The following HHAT variants were observed in gnomAD, a reference collection of about 807,000 sequenced individuals.
The protein encoded by HHAT is hedgehog acyltransferase, also known as protein-cysteine N-palmitoyltransferase HHAT.
HHAT carries 47 observed loss-of-function variants against 70.8 expected under a neutral mutation model. The observed-to-expected ratio is 0.66, with a 90% CI of 0.53 to 0.85. HHAT has a LOEUF of 0.85. Among genes scored for constraint, HHAT ranks in the 40% least tolerant of loss-of-function variants. HHAT has a pLI of 0.00. For synonymous variants in HHAT, 228 were observed against 247.6 expected, an observed-to-expected ratio of 0.92 and a Z score of 0.74; for missense variants, 609 against 604.8, an observed-to-expected ratio of 1.01 and a Z score of -0.07.
intron 9 of HHAT, among the ~76,000 whole-genome samples, chr1:210,515,884 A>G (rs1200373085): frequency 6.6e-6 from 1 of 152,088 alleles, no homozygotes; most frequent in African/African-American, 2.4e-5. Flanking sequence ...CCTGGGCAAT[A>G]TGAAAAAAAA....
chr1:210,506,604 C>T (rs1453304003), intron 8 of HHAT, among the ~76,000 whole-genome samples: 1 of 152,134 alleles, frequency 6.6e-6, no homozygotes, highest in Non-Finnish European at 1.5e-5. Flanking sequence ...AGACTATTTC[C>T]TTAAAAGGTG....
chr1:210,396,951 G>A (rs781561493), intron 4 of HHAT, among the ~76,000 whole-genome samples: 2 of 152,158 alleles, frequency 1.3e-5, no homozygotes, highest in Non-Finnish European at 2.9e-5. Flanking sequence ...TGGTGATGGA[G>A]CTGTTCTGCA....
At chr1:210,386,222 C>CTTTTTTTTTTTTTT (rs1295756019) in intron 3 of HHAT, among the ~76,000 whole-genome samples, 1 of 69,890 alleles carries the variant, frequency 1.4e-5, no homozygotes, top group African/African-American at 5.3e-5. Flanking sequence ...GAGTCCTTTT[C>CTTTTTTTTTTTTTT]TTTTTTTCTT....
intron 1 of HHAT, among the ~76,000 whole-genome samples, 197 bp from the exon 2 acceptor site, chr1:210,348,736 C>CGTGTGTGTGTGTGTGTGT (rs71303046): frequency 1.8e-4 from 26 of 148,034 alleles, no homozygotes; most frequent in African/African-American, 6.0e-4. Flanking sequence ...TGTATGTGTG[C>CGTGTGTGTGTGTGTGTGT]GTGTGTGTGT....
intron 10 of HHAT, among the ~76,000 whole-genome samples, chr1:210,603,705 G>A (rs1169156997): frequency 6.6e-6 from 1 of 152,178 alleles, no homozygotes; most frequent in Non-Finnish European, 1.5e-5. Flanking sequence ...GCATGCCTAT[G>A]TACTGATTTT....
At chr1:210,381,109 C>CT in intron 3 of HHAT, among the ~76,000 whole-genome samples, 1 of 152,096 alleles carries the variant, frequency 6.6e-6, no homozygotes, top group East Asian at 1.9e-4. Flanking sequence ...TGAAGTAGGT[C>CT]TAGCATATAG....
intron 2 of HHAT, among the ~76,000 whole-genome samples, chr1:210,360,070 G>C (rs573548117): frequency 6.6e-6 from 1 of 152,258 alleles, no homozygotes; most frequent in African/African-American, 2.4e-5. Flanking sequence ...GAAATTCTGA[G>C]GGTTACTGCA....
chr1:210,618,866 C>T (rs141546778), intron 10 of HHAT, among the ~76,000 whole-genome samples: 1,642 of 152,294 alleles, frequency 0.011, 26 homozygotes, highest in African/African-American at 0.038. Context: ...CCATGGACAC[C>T]TCACACCTGG....
chr1:210,428,877 G>A (rs1210657545), intron 7 of HHAT, among the ~76,000 whole-genome samples: 1 of 151,718 alleles, frequency 6.6e-6, no homozygotes, highest in African/African-American at 2.4e-5. Flanking sequence ...TCAGGAGGCT[G>A]AGATGGGTGA....
At position 210,502,970 on chromosome 1, in the gene HHAT, A is replaced by T. The variant is rs118037948; in HGVS notation, c.1008-10183A>T. ...TCAATATACTGTCTATATACTGAAG[A>T]TATTTTTTTTTTTTTGAGACGGTCT... On this transcript the variant is annotated intron_variant, in intron 8 of 11. Transcript: ENST00000261458. 1.4e-3 allele frequency among the ~76,000 whole-genome samples: 169 copies of T among 124,006 alleles called. 2 individuals are homozygous for T. In the East Asian group the frequency reaches 0.03, roughly 22 times the overall value. The allele number at this position is 124,006 out of a possible 152,430, so 81.4% of individuals were successfully genotyped here.
intron 5 of HHAT, among the ~76,000 whole-genome samples, chr1:210,402,917 A>G (rs149065199): frequency 1.3e-4 from 20 of 152,328 alleles, no homozygotes; most frequent in African/African-American, 4.3e-4. Context: ...TTCCTAGTCT[A>G]TTCTATTCCC....
intron 10 of HHAT, among the ~76,000 whole-genome samples, chr1:210,609,957 A>G (rs113488308): frequency 0.029 from 4,487 of 152,296 alleles, 86 homozygotes; most frequent in African/African-American, 0.053. Flanking sequence ...TATTGTGAAT[A>G]GTGCTGCAAT....
intron 9 of HHAT, among the ~76,000 whole-genome samples, chr1:210,567,728 G>A (rs1655118568): frequency 6.6e-6 from 1 of 152,102 alleles, no homozygotes; most frequent in Admixed American, 6.5e-5. Context: ...AGATGCTGTG[G>A]CCCAGCATAG....
At position 210,463,857 on chromosome 1, in the gene HHAT, G is replaced by GACTC. The variant is rs573321332; in HGVS notation, c.857-646_857-643dup. Reference sequence around the variant, plus strand: ...GATTCTAGTTATCCTAATGGGTGCAGACTCATGTAGATTTTCTTTTTTAAC... The same window carrying GACTC: ...GATTCTAGTTATCCTAATGGGTGCAGACTCACTCATGTAGATTTTCTTTTTTAAC... On this transcript the variant is annotated intron_variant, in intron 7 of 11. Transcript: ENST00000261458. Among the ~76,000 whole-genome samples, 4 of 152,274 alleles carry GACTC rather than the reference G, an allele frequency of 2.6e-5. No individual in the cohort carries two copies. The South Asian group carries it at 6.2e-4, about 24-fold the overall frequency.
chr1:210,635,984 G>C (rs533171445), intron 11 of HHAT, among the ~76,000 whole-genome samples: 6 of 152,180 alleles, frequency 3.9e-5, no homozygotes. Flanking sequence ...GATATTTCAG[G>C]TTCGTCTTTT....
chr1:210,487,316 A>C (rs2094487575), intron 8 of HHAT, among the ~76,000 whole-genome samples: 1 of 80,290 alleles, frequency 1.2e-5, no homozygotes, highest in Admixed American at 1.5e-4. Flanking sequence ...AATGAAAAGT[A>C]AGAGGTTTTT....
At chr1:210,375,751 C>G (rs566275992) in intron 3 of HHAT, among the ~76,000 whole-genome samples, 98 of 151,318 alleles carry the variant, frequency 6.5e-4, no homozygotes, top group Non-Finnish European at 1.1e-3. Flanking sequence ...ACACCAATGT[C>G]AGATCTTTTG....
chr1:210,356,632 T>G (rs1378096184), intron 2 of HHAT, among the ~76,000 whole-genome samples: 1 of 152,256 alleles, frequency 6.6e-6, no homozygotes, highest in Non-Finnish European at 1.5e-5. Context: ...GTGGCCTTCA[T>G]TATTACTAAG....
chr1:210,495,705 C>T (rs2094626273), intron 8 of HHAT, among the ~76,000 whole-genome samples: 1 of 151,912 alleles, frequency 6.6e-6, no homozygotes, highest in Non-Finnish European at 1.5e-5. Context: ...GGGTTTCAGG[C>T]AACATTTGAA....
Sources: allele counts gnomAD v4.1 joint callset (sites outside exome capture counted in the v4.1 genomes callset), GRCh38; gene constraint gnomAD v4.1.1; transcripts MANE v1.5; gene names NCBI Gene and HGNC (gene_info 2026-07-23, HGNC 2026-07-21).